The following WNK2 variants were observed in gnomAD, a reference collection of about 807,000 sequenced individuals.
The protein encoded by WNK2 is serine/threonine-protein kinase WNK2.
A neutral mutation model predicts 192.1 loss-of-function variants in WNK2; 67 were observed. That is an observed-to-expected ratio of 0.35 (90% CI 0.29 to 0.43). WNK2 has a LOEUF of 0.43. WNK2 is among the 20% of genes least tolerant of loss of function. The probability of loss-of-function intolerance (pLI) is 1.00; values close to 1 mark genes in which losing one functional copy is unlikely to be tolerated. For synonymous variants in WNK2, 1,439 were observed against 1,393.9 expected (o/e 1.03, Z -0.72); for missense variants, 2,698 against 3,089.7 (o/e 0.87, Z 3.01).
At position 93,252,905 on chromosome 9, in the gene WNK2, C is replaced by T; in HGVS notation, c.1857C>T (p.Gly619=). ...CAGCGGACAGCACCTTCGACAGCGGCCAGGGCTCTACCGTGTACTCAGACT... is the reference window on the plus strand; with the variant it reads ...CAGCGGACAGCACCTTCGACAGCGGTCAGGGCTCTACCGTGTACTCAGACT... ...SLASDSTFDS[G]QGSTVYSDSQ... Residue 619 remains glycine, a synonymous_variant, in exon 9 of 30, where the codon GGC becomes GGT. Coordinates refer to ENST00000427277, the MANE Select transcript of WNK2 (RefSeq NM_006648.4). The T allele has an allele frequency of 6.6e-7, 1 of 1,523,858 alleles. No homozygotes were observed. The highest frequency in any genetic ancestry group is 8.8e-7 in the Non-Finnish European group (1 of 1,133,552). 94.4% of individuals were successfully genotyped at this position (1,523,858 alleles called of 1,614,324 possible).
intron 16 of WNK2, chr9:93,267,367 G>A (rs909743433): frequency 2.7e-5 from 5 of 183,432 alleles, no homozygotes; most frequent in Non-Finnish European, 5.6e-5. Flanking sequence ...TGACTGCCTG[G>A]GCACCTGTGC....
At chr9:93,282,764 A>G (rs1367008635) in intron 19 of WNK2, among the ~76,000 whole-genome samples, 1 of 152,218 alleles carries the variant, frequency 6.6e-6, no homozygotes, top group Non-Finnish European at 1.5e-5. Context: ...GGAATAGGAG[A>G]CACTCAGTAG....
Position 93,211,234 on chromosome 9 carries a change from T to TCATC in WNK2, c.682-18460_682-18459insTCCA, listed in dbSNP as rs1202438347. 6.9e-4 allele frequency among the ~76,000 whole-genome samples: 8 copies of TCATC among 11,632 alleles called. 1 individual carries two copies. Among genetic ancestry groups the TCATC allele is most frequent in the Middle Eastern group, 0.025 (1 of 40 alleles). 7.6% of individuals were successfully genotyped at this position (11,632 alleles called of 152,430 possible). A position where few individuals can be genotyped will look rare whatever the true frequency, so the allele number is the denominator to read the frequency against. The stretch of plus-strand genomic sequence containing the variant: ...TTCAATCACTCATCCACTCACTCAC[T>TCATC]CACTCATTCACTCACTCACTCATTC... On this transcript the variant is annotated intron_variant, in intron 2 of 29. Coordinates refer to ENST00000427277, the MANE Select transcript of WNK2 (RefSeq NM_006648.4).
intron 2 of WNK2, among the ~76,000 whole-genome samples, chr9:93,197,716 T>C (rs1831528867): frequency 6.6e-6 from 1 of 152,040 alleles, no homozygotes; most frequent in South Asian, 2.1e-4. Flanking sequence ...AGAGACGGGG[T>C]TTCACCATCT....
chr9:93,224,810 G>A (rs1588017828), intron 2 of WNK2, among the ~76,000 whole-genome samples: 1 of 152,162 alleles, frequency 6.6e-6, no homozygotes, highest in East Asian at 1.9e-4. Context: ...CAGCCAGGAG[G>A]CCCCCGCCTC....
rs530685577 is a variant in WNK2 at position 93,189,918 on chromosome 9, G to A, written c.681+4308G>A. On this transcript the variant is annotated intron_variant, in intron 2 of 29. Transcript: ENST00000427277. ...AAATGGGGAGAAGAGGAGACGAGGG[G>A]ACGAGCCAGTGCCGGGCACAGAGGA... Among the ~76,000 whole-genome samples the A allele has an allele frequency of 6.6e-3, 1,001 of 152,316 alleles. 7 individuals carry two copies. The highest frequency in any genetic ancestry group is 0.011 in the Non-Finnish European group (722 of 68,028).
At chr9:93,196,333 A>T (rs983396790) in intron 2 of WNK2, among the ~76,000 whole-genome samples, 1 of 152,138 alleles carries the variant, frequency 6.6e-6, no homozygotes, top group Non-Finnish European at 1.5e-5. Context: ...GTGGGAAGCA[A>T]TGCTGACCTT....
intron 8 of WNK2, 97 bp from the exon 9 acceptor site, chr9:93,252,786 G>A: frequency 8.7e-7 from 1 of 1,143,334 alleles, no homozygotes. Context: ...GGAGAAACAA[G>A]CCTTTATTTT....
Position 93,288,758 on chromosome 9 carries a change from G to T in WNK2, c.4034-30G>T, listed in dbSNP as rs746327745. 10 of 1,579,170 alleles carry T rather than the reference G, an allele frequency of 6.3e-6. No individual in the cohort carries two copies. The Admixed American group carries it at 1.8e-4, about 28-fold the overall frequency. The stretch of plus-strand genomic sequence containing the variant: ...AGGTAGATAGGACTGGAGTACCCTG[G>T]TACAAAGGCATTTTCCCCATTTCTT... On this transcript the variant is annotated intron_variant, in intron 19 of 29. Transcript: ENST00000427277.
chr9:93,282,375 AT>A (rs1847869477), intron 19 of WNK2, among the ~76,000 whole-genome samples: 1 of 152,160 alleles, frequency 6.6e-6, no homozygotes, highest in Middle Eastern at 3.2e-3. Flanking sequence ...TGGAGAACAC[AT>A]AGAAATCTTT....
At chr9:93,317,747 G>T in intron 29 of WNK2, 116 bp downstream of exon 29, 1 of 1,476,934 alleles carries the variant, frequency 6.8e-7, no homozygotes, top group Non-Finnish European at 9.2e-7. Flanking sequence ...TGGGCCAGCT[G>T]GGGGCACAGG....
intron 2 of WNK2, among the ~76,000 whole-genome samples, chr9:93,211,816 T>C (rs943937959): frequency 3.9e-5 from 6 of 151,950 alleles, no homozygotes; most frequent in Non-Finnish European, 8.8e-5. Flanking sequence ...GGTCCACTTA[T>C]TCACTCACTC....
rs1360102440 is a variant in WNK2 at position 93,299,112 on chromosome 9, C to T, written c.5966C>T (p.Pro1989Leu). The change falls in exon 25 of 30, where the codon CCT (proline) becomes CTT (leucine). Residue 1989 changes from proline to leucine, a missense_variant. This residue lies in a region of WNK2 where 1,098 missense variants were observed against 1,101.0 expected (regional missense o/e 1.00). Transcript: ENST00000427277. Reference sequence around the variant, plus strand: ...AGCAGAGGCCCTCCCGCTAAGGACCCTGCCCAAGCCAGTGTGGGGCTCACT... The same window carrying T: ...AGCAGAGGCCCTCCCGCTAAGGACCTTGCCCAAGCCAGTGTGGGGCTCACT... ...DSSRGPPAKD[P>L]AQASVGLTAD... 6.2e-7 allele frequency: 1 copy of T among 1,611,694 alleles called. No homozygotes were observed. The highest frequency in any genetic ancestry group is 1.1e-5 in the South Asian group (1 of 91,012).
intron 7 of WNK2, among the ~76,000 whole-genome samples, chr9:93,242,615 C>A (rs1840967074): frequency 6.6e-6 from 1 of 152,230 alleles, no homozygotes. Flanking sequence ...AGCGTGTAAG[C>A]TGAGGATTGG....
intron 12 of WNK2, among the ~76,000 whole-genome samples, chr9:93,261,256 T>C (rs1185636031): frequency 6.6e-6 from 1 of 152,154 alleles, no homozygotes; most frequent in African/African-American, 2.4e-5. Context: ...AACTCCAAAA[T>C]GGGGGCAGAA....
At chr9:93,254,118 T>C (rs559936372) in intron 9 of WNK2, among the ~76,000 whole-genome samples, 1 of 152,284 alleles carries the variant, frequency 6.6e-6, no homozygotes, top group East Asian at 1.9e-4. Flanking sequence ...GGTTTCACCA[T>C]GTTGGCCAGC....
chr9:93,276,752 A>AGG (rs1846962890), intron 19 of WNK2, among the ~76,000 whole-genome samples: 1 of 152,216 alleles, frequency 6.6e-6, no homozygotes, highest in Non-Finnish European at 1.5e-5. Context: ...AAAATGAGCA[A>AGG]CTTGGCTGAG....
At chr9:93,233,713 A>C (rs1202987241) in intron 4 of WNK2, among the ~76,000 whole-genome samples, 1 of 151,772 alleles carries the variant, frequency 6.6e-6, no homozygotes, top group African/African-American at 2.4e-5. Context: ...AAAAAAAAAA[A>C]AAAAAAAAGT....
chr9:93,292,512 C>A lies in WNK2; in HGVS notation c.5047C>A (p.Pro1683Thr). 6.3e-7 allele frequency: 1 copy of A among 1,590,498 alleles called. No individual in the cohort carries two copies. Among genetic ancestry groups the A allele is most frequent in the African/African-American group, 1.3e-5 (1 of 74,574 alleles). ...VPQDVPAFVRPARVEPTDRDG... is the reference protein window; with the variant it reads ...VPQDVPAFVRTARVEPTDRDG... ...CAAGGATGTACCTGCTTTTGTGAGA[C>A]CTGCACGTGTGGAGCCCACAGACAG... Residue 1683 changes from proline to threonine, a missense_variant, in exon 23 of 30, where the codon CCT (proline) becomes ACT (threonine). Coordinates refer to ENST00000427277, the MANE Select transcript of WNK2 (RefSeq NM_006648.4).
Sources: allele counts gnomAD v4.1 joint callset (sites outside exome capture counted in the v4.1 genomes callset), GRCh38; gene constraint gnomAD v4.1.1; regional missense constraint gnomAD v4.1.1; transcripts MANE v1.5; gene names NCBI Gene and HGNC (gene_info 2026-07-23, HGNC 2026-07-21).